Variants in CCR8 observed in about 807,000 individuals in gnomAD.
CCR8 encodes C-C motif chemokine receptor 8, also known as C-C chemokine receptor type 8.
For synonymous variants in CCR8, 156 were observed against 165.7 expected (o/e 0.94, Z 0.45); for missense variants, 358 against 417.5 (o/e 0.86, Z 1.24).
Position 39,332,780 on chromosome 3 carries a change from G to C in CCR8, c.449G>C (p.Gly150Ala), listed in dbSNP as rs1193760862. 6.2e-7 allele frequency: 1 copy of C among 1,614,154 alleles called. No individual in the cohort carries two copies. The highest frequency in any genetic ancestry group is 1.1e-5 in the South Asian group (1 of 91,086). The change falls in exon 2 of 2, where the codon GGC becomes GCC. Residue 150 changes from glycine (G) to alanine (A), a missense_variant. Transcript: ENST00000326306. Reference sequence around the variant, plus strand: ...CTAAAGGTGAGGACGATCAGGATGGGCACAACGCTGTGCCTGGCAGTATGG... The same window carrying C: ...CTAAAGGTGAGGACGATCAGGATGGCCACAACGCTGTGCCTGGCAGTATGG... ...YALKVRTIRMGTTLCLAVWLT... is the reference protein window; with the variant it reads ...YALKVRTIRMATTLCLAVWLT...
At chr3:39,331,246 G>T (rs2041252787) in intron 1 of CCR8, among the ~76,000 whole-genome samples, 1 of 152,140 alleles carries the variant, frequency 6.6e-6, no homozygotes, top group African/African-American at 2.4e-5. Flanking sequence ...AGAAAGTGTT[G>T]TTTAACATAC....
chr3:39,331,291 A>C (rs905047508), intron 1 of CCR8, among the ~76,000 whole-genome samples: 1 of 152,186 alleles, frequency 6.6e-6, no homozygotes, highest in African/African-American at 2.4e-5. Context: ...CAAGCTGCCA[A>C]TGCAGTTGAT....
rs996659138 is a variant in CCR8, at chr3:39,333,521, G to T, written c.*122G>T. On this transcript the variant is annotated 3_prime_UTR_variant, in exon 2 of 2. Coordinates refer to ENST00000326306, the MANE Select transcript of CCR8 (RefSeq NM_005201.4). Reference sequence around the variant, plus strand: ...CAGCATGAAGGATGCCATATATGTTGTTGCCAACACTTGGAACACAATGAC... The same window carrying T: ...CAGCATGAAGGATGCCATATATGTTTTTGCCAACACTTGGAACACAATGAC... 1.5e-6 allele frequency: 1 copy of T among 683,198 alleles called. No homozygotes were observed. The highest frequency in any genetic ancestry group is 2.0e-5 in the South Asian group (1 of 51,002). The allele number at this position is 683,198 out of a possible 1,614,324, so 42.3% of individuals were successfully genotyped here.
chr3:39,332,985 C>T lies in CCR8; in HGVS notation c.654C>T (p.Tyr218=), dbSNP rs1237851521. 6.2e-7 allele frequency: 1 copy of T among 1,614,052 alleles called. No homozygotes were observed. Among genetic ancestry groups the T allele is most frequent in the Non-Finnish European group, 8.5e-7 (1 of 1,180,016 alleles). Residue 218 remains tyrosine (Y), a synonymous_variant, in exon 2 of 2, where the codon TAC becomes TAT. Coordinates refer to ENST00000326306, the MANE Select transcript of CCR8 (RefSeq NM_005201.4). ...CATTCACCATCTTTATGTTCTGCTA[C>T]ATTAAAATCCTGCACCAGCTGAAGA... ...LIPFTIFMFC[Y]IKILHQLKRC...
In CCR8 at chr3:39,332,809, ACCG is replaced by A; in HGVS notation, c.481_483del (p.Ala161del). 6.2e-7 allele frequency: 1 copy of A among 1,614,140 alleles called. No individual in the cohort carries two copies. The highest frequency in any genetic ancestry group is 8.5e-7 in the Non-Finnish European group (1 of 1,180,004). On this transcript the variant is annotated inframe_deletion, in exon 2 of 2. Transcript: ENST00000326306. ...AACGCTGTGCCTGGCAGTATGGCTA[ACCG>A]CCATTATGGCTACCATCCCATTGCT... is the stretch of plus-strand genomic sequence containing the variant.
intron 1 of CCR8, among the ~76,000 whole-genome samples, chr3:39,331,960 C>T (rs1458903061): frequency 4.0e-5 from 6 of 150,748 alleles, no homozygotes; most frequent in Non-Finnish European, 8.8e-5. Context: ...GCTAGGATTA[C>T]AGGCATGCAC....
At chr3:39,332,210 ACAC>A in intron 1 of CCR8, 105 bp from the exon 2 acceptor site, 1 of 670,692 alleles carries the variant, frequency 1.5e-6, no homozygotes, top group Non-Finnish European at 2.5e-6. Flanking sequence ...GAGCACTTCA[ACAC>A]ATGAATTTGG....
chr3:39,333,076 C>G lies in CCR8; in HGVS notation c.745C>G (p.Leu249Val). Residue 249 changes from leucine to valine, a missense_variant, in exon 2 of 2, where the codon CTT becomes GTT. Coordinates refer to ENST00000326306, the MANE Select transcript of CCR8 (RefSeq NM_005201.4). ...LVLIVVIASL[L>V]FWVPFNVVLF... ...GCTCATTGTGGTCATTGCATCTTTA[C>G]TTTTCTGGGTCCCATTCAACGTGGT... 1 of 1,614,130 alleles carries G rather than the reference C, an allele frequency of 6.2e-7. No individual in the cohort carries two copies. The highest frequency in any genetic ancestry group is 8.5e-7 in the Non-Finnish European group (1 of 1,180,028).
Position 39,331,426 on chromosome 3 carries a change from C to G in CCR8, c.-14-892C>G, listed in dbSNP as rs73056243. ...GTCTCTTTCTCTTCTGTTAAGGACA[C>G]TAGTTCTATCAGATTAGGGCCCTGC... On this transcript the variant is annotated intron_variant, in intron 1 of 1. Coordinates refer to ENST00000326306, the MANE Select transcript of CCR8 (RefSeq NM_005201.4). Among the ~76,000 whole-genome samples, 1,255 of 152,204 alleles carry G rather than the reference C, an allele frequency of 8.2e-3. 9 individuals are homozygous for G. Among genetic ancestry groups the G allele is most frequent in the Middle Eastern group, 0.02 (6 of 294 alleles).
Position 39,333,567 on chromosome 3 carries a change from C to A in CCR8, c.*168C>A. ...ATGACTAAAGACATAGTTGTGCATG[C>A]CTGGCACAACATCAAGCCTGTGATT... On this transcript the variant is annotated 3_prime_UTR_variant, in exon 2 of 2. Transcript: ENST00000326306. 1.6e-6 allele frequency: 1 copy of A among 608,030 alleles called. No individual in the cohort carries two copies. Among genetic ancestry groups the A allele is most frequent in the Non-Finnish European group, 3.0e-6 (1 of 336,408 alleles). 37.7% of individuals were successfully genotyped at this position (608,030 alleles called of 1,614,324 possible).
In CCR8 at chr3:39,332,885, C is replaced by A; in HGVS notation, c.554C>A (p.Ser185Ter). The A allele has an allele frequency of 6.2e-7, 1 of 1,614,132 alleles. No homozygotes were observed. The highest frequency in any genetic ancestry group is 8.5e-7 in the Non-Finnish European group (1 of 1,179,992). Reference protein sequence around the residue: ...ASEDGVLQCYSFYNQQTLKWK... With the variant: ...ASEDGVLQCY ...GAAGATGGTGTTCTACAGTGTTATT[C>A]ATTTTACAATCAACAGACTTTGAAG... is the stretch of plus-strand genomic sequence containing the variant. Residue 185 changes from serine (S) to a stop codon, truncating the protein, a stop_gained, in exon 2 of 2, where the codon TCA becomes TAA. Transcript: ENST00000326306. LOFTEE classifies it low-confidence loss of function (END_TRUNC).
chr3:39,332,639 C>T lies in CCR8; in HGVS notation c.308C>T (p.Thr103Ile), dbSNP rs1416566519. 1.9e-6 allele frequency: 3 copies of T among 1,614,148 alleles called. No homozygotes were observed. The highest frequency in any genetic ancestry group is 2.5e-6 in the Non-Finnish European group (3 of 1,179,998). Residue 103 changes from threonine (T) to isoleucine (I), a missense_variant, in exon 2 of 2, where the codon ACT becomes ATT. By Grantham distance (89) the Thr-to-Ile change is moderately conservative (BLOSUM62 -1). Transcript: ENST00000326306. Reference protein sequence around the residue: ...YYLLDQWVFGTVMCKVVSGFY... With the variant: ...YYLLDQWVFGIVMCKVVSGFY... ...CTGCTGGACCAGTGGGTGTTTGGGA[C>T]TGTAATGTGCAAAGTGGTGTCTGGC... is the stretch of plus-strand genomic sequence containing the variant.
chr3:39,333,147 T>C lies in CCR8; in HGVS notation c.816T>C (p.Cys272=), dbSNP rs768729745. The change falls in exon 2 of 2, where the codon TGT becomes TGC. Residue 272 remains cysteine (C), a synonymous_variant. Coordinates refer to ENST00000326306, the MANE Select transcript of CCR8 (RefSeq NM_005201.4). ...ACAGTATGCACATCTTGGATGGATG[T>C]AGCATAAGCCAACAGCTGACTTATG... The part of the protein sequence containing the change: ...SLHSMHILDG[C]SISQQLTYAT... The C allele has an allele frequency of 6.2e-7, 1 of 1,614,120 alleles. No individual in the cohort carries two copies. Among genetic ancestry groups the C allele is most frequent in the South Asian group, 1.1e-5 (1 of 91,074 alleles).
At chr3:39,331,538 G>C (rs2649758) in intron 1 of CCR8, among the ~76,000 whole-genome samples, 151,849 of 152,248 alleles carry the variant, frequency 1, 75,728 homozygotes, top group Middle Eastern at 1. Flanking sequence ...TTGATCTCGA[G>C]TCATTGCAAC....
chr3:39,333,507 A>G lies in CCR8; in HGVS notation c.*108A>G. 1 of 754,996 alleles carries G rather than the reference A, an allele frequency of 1.3e-6. No individual in the cohort carries two copies. The highest frequency in any genetic ancestry group is 2.2e-6 in the Non-Finnish European group (1 of 462,962). The allele number at this position is 754,996 out of a possible 1,614,324, so 46.8% of individuals were successfully genotyped here. On this transcript the variant is annotated 3_prime_UTR_variant, in exon 2 of 2. Coordinates refer to ENST00000326306, the MANE Select transcript of CCR8 (RefSeq NM_005201.4). ...TTCCAAAAAAAGTTCAGCATGAAGG[A>G]TGCCATATATGTTGTTGCCAACACT...
intron 1 of CCR8, among the ~76,000 whole-genome samples, 172 bp downstream of exon 1, chr3:39,330,001 T>C (rs919311030): frequency 2.0e-5 from 3 of 152,286 alleles, no homozygotes; most frequent in African/African-American, 2.4e-5. Context: ...GCATGTGTCT[T>C]AGTGGCTGCC....
Position 39,333,030 on chromosome 3 carries a change from G to C in CCR8, c.699G>C (p.Lys233Asn), listed in dbSNP as rs778617909. The C allele has an allele frequency of 1.2e-6, 2 of 1,614,090 alleles. No individual in the cohort carries two copies. Among genetic ancestry groups the C allele is most frequent in the Non-Finnish European group, 1.7e-6 (2 of 1,180,006 alleles). ...TGAAGAGGTGTCAAAACCACAACAA[G>C]ACCAAGGCCATCAGGTTGGTGCTCA... ...HQLKRCQNHN[K>N]TKAIRLVLIV... is the part of the protein sequence containing the mutation. The change falls in exon 2 of 2, where the codon AAG becomes AAC. Residue 233 changes from lysine to asparagine, a missense_variant. Physicochemically the swap from Lys to Asn is moderately conservative, Grantham distance 94 (BLOSUM62 0). Transcript: ENST00000326306.
Position 39,333,178 on chromosome 3 carries a change from C to G in CCR8, c.847C>G (p.His283Asp). Residue 283 changes from histidine to aspartate, a missense_variant, in exon 2 of 2, where the codon CAT becomes GAT. His to Asp is a moderately conservative substitution (Grantham distance 81). Coordinates refer to ENST00000326306, the MANE Select transcript of CCR8 (RefSeq NM_005201.4). ...AAGCCAACAGCTGACTTATGCCACC[C>G]ATGTCACAGAAATCATTTCCTTTAC... ...SISQQLTYAT[H>D]VTEIISFTHC... 1 of 1,614,082 alleles carries G rather than the reference C, an allele frequency of 6.2e-7. No individual in the cohort carries two copies. The highest frequency in any genetic ancestry group is 8.5e-7 in the Non-Finnish European group (1 of 1,179,990).
Position 39,333,103 on chromosome 3 carries a change from C to A in CCR8, c.772C>A (p.Leu258Ile), listed in dbSNP as rs950036392. The A allele has an allele frequency of 1.9e-6, 3 of 1,614,034 alleles. No homozygotes were observed. Among genetic ancestry groups the A allele is most frequent in the Admixed American group, 1.7e-5 (1 of 59,996 alleles). Residue 258 changes from leucine (L) to isoleucine (I), a missense_variant, in exon 2 of 2, where the codon CTT (leucine) becomes ATT (isoleucine). By Grantham distance (5) the Leu-to-Ile change is conservative. Transcript: ENST00000326306. ...LLFWVPFNVVLFLTSLHSMHI... is the reference protein window; with the variant it reads ...LLFWVPFNVVIFLTSLHSMHI... ...TTTCTGGGTCCCATTCAACGTGGTT[C>A]TTTTCCTCACTTCCTTGCACAGTAT... is the stretch of plus-strand genomic sequence containing the variant.
Sources: allele counts gnomAD v4.1 joint callset (sites outside exome capture counted in the v4.1 genomes callset), GRCh38; gene constraint gnomAD v4.1.1; transcripts MANE v1.5; gene names NCBI Gene and HGNC (gene_info 2026-07-23, HGNC 2026-07-21).